Variants in TRIP11 observed in about 807,000 individuals in gnomAD.
The protein encoded by TRIP11 is thyroid hormone receptor interactor 11, also known as thyroid receptor-interacting protein 11.
In TRIP11, 148 loss-of-function variants were observed where a neutral mutation model predicts 223.1. The ratio of observed to expected loss-of-function variants is 0.66; its 90% CI spans 0.58 to 0.76. The LOEUF is 0.76. TRIP11 is among the 30% of genes least tolerant of loss of function. The pLI is 0.00. For synonymous variants in TRIP11, 762 were observed against 772.6 expected, an observed-to-expected ratio of 0.99 and a Z score of 0.23; for missense variants, 2,043 against 2,222.0, an observed-to-expected ratio of 0.92 and a Z score of 1.62.
In TRIP11 at chr14:91,988,380, A is replaced by G. The variant is rs1409704964; in HGVS notation, c.5164T>C (p.Cys1722Arg). 3.7e-6 allele frequency: 6 copies of G among 1,613,388 alleles called. No individual in the cohort carries two copies. The highest frequency in any genetic ancestry group is 1.3e-5 in the African/African-American group (1 of 75,016). The change falls in exon 16 of 21, where the codon TGT (cysteine) becomes CGT (arginine). Residue 1722 changes from cysteine (C) to arginine (R), a missense_variant. Transcript: ENST00000267622. Reference sequence around the variant, plus strand: ...AATGCAGCATTTGCTTCATCCAAACATTCCTGAGAAAGAAAACTTTATTAA... The same window carrying G: ...AATGCAGCATTTGCTTCATCCAAACGTTCCTGAGAAAGAAAACTTTATTAA... ...LEGKVISLQE[C>R]LDEANAALDS...
intron 11 of TRIP11, among the ~76,000 whole-genome samples, chr14:92,001,632 T>C (rs2402089): frequency 0.52 from 78,865 of 152,002 alleles, 21,613 homozygotes; most frequent in African/African-American, 0.7. Context: ...GTGAGGAGAG[T>C]GTTAATAATA....
chr14:92,002,715 T>C (rs561113457), intron 11 of TRIP11, among the ~76,000 whole-genome samples: 49 of 152,178 alleles, frequency 3.2e-4, no homozygotes, highest in Non-Finnish European at 5.9e-4. Context: ...TAGCTAGGAT[T>C]ACAGGCACCC....
At chr14:92,023,659 A>G (rs775902772) in intron 3 of TRIP11, among the ~76,000 whole-genome samples, 7 of 152,326 alleles carry the variant, frequency 4.6e-5, no homozygotes, top group African/African-American at 1.4e-4. Flanking sequence ...TTAAAGTGTC[A>G]TAATGACACA....
At chr14:92,001,643 T>A (rs1031974192) in intron 11 of TRIP11, among the ~76,000 whole-genome samples, 3 of 152,188 alleles carry the variant, frequency 2.0e-5, no homozygotes, top group African/African-American at 7.2e-5. Context: ...GTTAATAATA[T>A]CTGCACACTT....
chr14:92,035,880 G>A (rs187896585), intron 1 of TRIP11, among the ~76,000 whole-genome samples: 5 of 152,186 alleles, frequency 3.3e-5, no homozygotes, highest in Middle Eastern at 3.4e-3. Flanking sequence ...GAGCCACCGC[G>A]CCCAGCCAGA....
rs777628142 is a variant in TRIP11, at chr14:92,003,903, T to C, written c.4073A>G (p.Glu1358Gly). Residue 1358 changes from glutamate to glycine, a missense_variant, in exon 11 of 21, where the codon GAA becomes GGA. Coordinates refer to ENST00000267622, the MANE Select transcript of TRIP11 (RefSeq NM_004239.4). ...ELEELRKSLQ[E>G]KDATIRTLQE... ...GAGAGTTCTAATTGTTGCATCTTTT[T>C]CCTGTAGTGATTTTCTTAGCTCTTC... 4.3e-6 allele frequency: 7 copies of C among 1,614,004 alleles called. No homozygotes were observed. In the Admixed American group the frequency reaches 1.0e-4, roughly 23 times the overall value.
chr14:92,032,464 T>TA lies in TRIP11; in HGVS notation c.201+727_201+728insT, dbSNP rs554298552. 3.3e-3 allele frequency among the ~76,000 whole-genome samples: 497 copies of TA among 150,650 alleles called. 5 individuals are homozygous for TA. The highest frequency in any genetic ancestry group is 0.011 in the African/African-American group (465 of 41,148). ...CTGTGCCTGGCTGCTATTCCTATAT[T>TA]CTTAACTTTTTTGTATCCAAATATT... On this transcript the variant is annotated intron_variant, in intron 2 of 20. Transcript: ENST00000267622.
At chr14:92,031,109 A>T (rs567620158) in intron 2 of TRIP11, among the ~76,000 whole-genome samples, 12 of 151,934 alleles carry the variant, frequency 7.9e-5, no homozygotes, top group African/African-American at 1.4e-4. Flanking sequence ...TTATTTATTT[A>T]TTTTTTTATT....
In TRIP11 at chr14:92,020,121, G is replaced by A. The variant is rs182475500; in HGVS notation, c.588+1435C>T. On this transcript the variant is annotated intron_variant, in intron 4 of 20. Coordinates refer to ENST00000267622, the MANE Select transcript of TRIP11 (RefSeq NM_004239.4). The stretch of plus-strand genomic sequence containing the variant: ...AAAAACATTAGCCCGGTGTGGTGGC[G>A]GGCGCCTGTAATCCCAGCTACTCAG... Among the ~76,000 whole-genome samples, 28 of 151,964 alleles carry A rather than the reference G, an allele frequency of 1.8e-4. No individual in the cohort carries two copies. The East Asian group carries it at 4.3e-3, about 23-fold the overall frequency.
At chr14:92,018,995 A>G (rs952084421) in intron 4 of TRIP11, among the ~76,000 whole-genome samples, 2 of 150,770 alleles carry the variant, frequency 1.3e-5, no homozygotes, top group South Asian at 4.2e-4. Flanking sequence ...AAAAACTTTC[A>G]GTTTCCTTAT....
At chr14:91,999,842 C>G in intron 12 of TRIP11, 126 bp downstream of exon 12, 1 of 1,282,864 alleles carries the variant, frequency 7.8e-7, no homozygotes, top group South Asian at 1.3e-5. Context: ...TACTACTGCA[C>G]AGCAGAGGAA....
chr14:91,989,071 C>T lies in TRIP11; in HGVS notation c.5161-688G>A, dbSNP rs17127827. ...TCAAACATGTTCTACTTTGCTTTTA[C>T]AGCTTCTTAAGTTTTAGTCTTGGTT... On this transcript the variant is annotated intron_variant, in intron 15 of 20. Coordinates refer to ENST00000267622, the MANE Select transcript of TRIP11 (RefSeq NM_004239.4). Among the ~76,000 whole-genome samples the T allele has an allele frequency of 6.8e-3, 1,035 of 152,328 alleles. 11 individuals carry two copies. The highest frequency in any genetic ancestry group is 0.023 in the African/African-American group (967 of 41,572).
chr14:92,018,363 T>TTAGACATGAA (rs1026299039), intron 4 of TRIP11, among the ~76,000 whole-genome samples: 7 of 152,202 alleles, frequency 4.6e-5, no homozygotes, highest in African/African-American at 1.7e-4. Flanking sequence ...AGTGCTGGGA[T>TTAGACATGAA]TAGACATGAA....
intron 1 of TRIP11, 115 bp downstream of exon 1, chr14:92,039,432 G>C (rs531820814): frequency 1.2e-5 from 14 of 1,120,566 alleles, no homozygotes; most frequent in Non-Finnish European, 1.8e-5. Flanking sequence ...AGAAAAAAGG[G>C]AGGAGCAGCA....
chr14:91,970,135 G>A (rs766207594), intron 20 of TRIP11, among the ~76,000 whole-genome samples: 4 of 152,140 alleles, frequency 2.6e-5, no homozygotes, highest in Non-Finnish European at 4.4e-5. Context: ...AGCCAGGCGC[G>A]GTGGCTCATG....
Position 91,969,330 on chromosome 14 carries a change from C to A in TRIP11, c.*343G>T. ...TCTCTTGATAAACCACAATCTCTAG[C>A]TTAAATGAGCTTGGAAATCACAAAA... On this transcript the variant is annotated 3_prime_UTR_variant, in exon 21 of 21. Coordinates refer to ENST00000267622, the MANE Select transcript of TRIP11 (RefSeq NM_004239.4). The A allele has an allele frequency of 2.9e-6, 1 of 348,836 alleles. No individual in the cohort carries two copies. Among genetic ancestry groups the A allele is most frequent in the Non-Finnish European group, 5.3e-6 (1 of 188,126 alleles). The allele number at this position is 348,836 out of a possible 1,614,324, so 21.6% of individuals were successfully genotyped here. A position where few individuals can be genotyped will look rare whatever the true frequency, so the allele number is the denominator to read the frequency against.
intron 1 of TRIP11, among the ~76,000 whole-genome samples, chr14:92,036,893 C>A (rs2057331066): frequency 6.6e-6 from 1 of 152,096 alleles, no homozygotes; most frequent in Non-Finnish European, 1.5e-5. Context: ...TGCAGCCATG[C>A]CCAGCTAAAA....
Position 91,969,833 on chromosome 14 carries a change from G to A in TRIP11, c.5780C>T (p.Ser1927Leu), listed in dbSNP as rs146953990. 47 of 1,614,184 alleles carry A rather than the reference G, an allele frequency of 2.9e-5. No individual in the cohort carries two copies. The highest frequency in any genetic ancestry group is 8.0e-5 in the African/African-American group (6 of 75,044). Residue 1927 changes from serine (S) to leucine (L), a missense_variant, in exon 21 of 21, where the codon TCG becomes TTG. Ser to Leu is a moderately radical substitution (Grantham distance 145, BLOSUM62 -2). Transcript: ENST00000267622. ...TGGGTTAATAAGAGGTACAGCTGCC[G>A]AGCGAGGAGCCAAAAACGGATTTAC... ...TDVNPFLAPR[S>L]AAVPLINPAG...
chr14:92,007,874 A>G (rs780963112), intron 9 of TRIP11, 22 bp from the exon 10 acceptor site: 4 of 1,567,736 alleles, frequency 2.6e-6, no homozygotes, highest in East Asian at 2.3e-5. Context: ...AAAGGAAAAA[A>G]GCAACACATA....
Sources: allele counts gnomAD v4.1 joint callset (sites outside exome capture counted in the v4.1 genomes callset), GRCh38; gene constraint gnomAD v4.1.1; transcripts MANE v1.5; gene names NCBI Gene and HGNC (gene_info 2026-07-23, HGNC 2026-07-21).